Variants in SRGAP2B observed in about 807,000 individuals in gnomAD.
SRGAP2B encodes SLIT-ROBO Rho GTPase-activating protein 2B.
Under a neutral mutation model 22.2 loss-of-function variants are expected in SRGAP2B, and 9 were observed. The ratio of observed to expected loss-of-function variants is 0.41; its 90% confidence interval spans 0.24 to 0.71. SRGAP2B has a LOEUF of 0.71. SRGAP2B is among the 30% of genes least tolerant of loss of function. The probability of loss-of-function intolerance (pLI) is 0.35; values close to 1 mark genes in which losing one functional copy is unlikely to be tolerated. For synonymous variants in SRGAP2B, 36 were observed against 87.4 expected (o/e 0.41, Z 3.28); for missense variants, 114 against 235.8 (o/e 0.48, Z 3.38).
intron 7 of SRGAP2B, among the ~76,000 whole-genome samples, chr1:144,902,960 C>T (rs1176539916): frequency 5.4e-5 from 3 of 55,298 alleles, no homozygotes; most frequent in Middle Eastern, 6.4e-3. Context: ...CAAAATACCT[C>T]GCTTCTTGGA....
chr1:145,070,057 C>T (rs868940412), intron 2 of SRGAP2B, among the ~76,000 whole-genome samples: 223 of 147,744 alleles, frequency 1.5e-3, no homozygotes, highest in African/African-American at 5.3e-3. Flanking sequence ...TTTTAAAGCG[C>T]TGATGGAATT....
intron 2 of SRGAP2B, among the ~76,000 whole-genome samples, chr1:145,083,178 G>A (rs1653078961): frequency 6.9e-6 from 1 of 144,880 alleles, no homozygotes; most frequent in South Asian, 2.1e-4. Flanking sequence ...AGGGGAGCAG[G>A]GAAGGCTTCC....
intron 2 of SRGAP2B, among the ~76,000 whole-genome samples, chr1:145,006,573 T>C (rs1671610968): frequency 6.7e-6 from 1 of 150,134 alleles, no homozygotes; most frequent in South Asian, 2.1e-4. Flanking sequence ...ACAAAACTTA[T>C]TCCAATGAAA....
intron 3 of SRGAP2B, among the ~76,000 whole-genome samples, chr1:144,993,117 C>T (rs1553617730): frequency 6.6e-6 from 1 of 151,004 alleles, no homozygotes; most frequent in East Asian, 1.9e-4. Context: ...TAACAGGATG[C>T]CAGTGACTCA....
chr1:145,006,264 T>C (rs12076612), intron 2 of SRGAP2B, among the ~76,000 whole-genome samples: 1,728 of 150,908 alleles, frequency 0.011, 142 homozygotes, highest in African/African-American at 0.041. Flanking sequence ...ATGAAATATT[T>C]TCCCTCCTTG....
At chr1:144,934,364 C>T (rs1553606055) in intron 4 of SRGAP2B, among the ~76,000 whole-genome samples, 1 of 136,418 alleles carries the variant, frequency 7.3e-6, no homozygotes, top group Non-Finnish European at 1.5e-5. Context: ...AGATCGCGCA[C>T]TGCACTCCAG....
At chr1:144,984,008 T>C (rs1476620545) in intron 3 of SRGAP2B, among the ~76,000 whole-genome samples, 1 of 150,880 alleles carries the variant, frequency 6.6e-6, no homozygotes, top group Non-Finnish European at 1.5e-5. Flanking sequence ...CAATTCTTTC[T>C]CCTAACTTCT....
At chr1:144,912,014 G>A (rs1553349955) in intron 5 of SRGAP2B, among the ~76,000 whole-genome samples, 2 of 138,986 alleles carry the variant, frequency 1.4e-5, no homozygotes, top group Non-Finnish European at 3.0e-5. Flanking sequence ...GCAGTGGCAC[G>A]ATCTCGGCTC....
intron 2 of SRGAP2B, among the ~76,000 whole-genome samples, chr1:144,997,477 G>A (rs1448762912): frequency 6.7e-6 from 1 of 149,676 alleles, no homozygotes; most frequent in Non-Finnish European, 1.5e-5. Flanking sequence ...GGGTGGAAAG[G>A]CTTTCCAGGT....
At chr1:144,944,464 G>A (rs1666319683) in intron 4 of SRGAP2B, among the ~76,000 whole-genome samples, 2 of 148,624 alleles carry the variant, frequency 1.3e-5, no homozygotes, top group South Asian at 4.2e-4. Flanking sequence ...GTACACACCT[G>A]TAGTATCAGA....
At chr1:145,014,986 C>T (rs1209491370) in intron 2 of SRGAP2B, among the ~76,000 whole-genome samples, 8 of 90,868 alleles carry the variant, frequency 8.8e-5, no homozygotes, top group African/African-American at 3.8e-4. Flanking sequence ...AAATATTTTA[C>T]ATAAATTTGC....
intron 5 of SRGAP2B, among the ~76,000 whole-genome samples, chr1:144,908,908 T>TATC (rs1663188840): frequency 7.4e-6 from 1 of 135,574 alleles, no homozygotes; most frequent in Non-Finnish European, 1.6e-5. Context: ...TACATACTTC[T>TATC]ATCTATATAT....
intron 2 of SRGAP2B, among the ~76,000 whole-genome samples, chr1:145,011,773 T>C (rs1241688115): frequency 2.7e-5 from 4 of 149,392 alleles, no homozygotes; most frequent in Non-Finnish European, 4.4e-5. Context: ...TGGTAGCTCC[T>C]AACTGGTCTT....
At chr1:144,928,849 T>G (rs1553605396) in intron 4 of SRGAP2B, among the ~76,000 whole-genome samples, 1 of 147,292 alleles carries the variant, frequency 6.8e-6, no homozygotes. Flanking sequence ...GGGTCACAGG[T>G]TAATTCTATG....
At chr1:144,950,736 T>C (rs1169008423) in intron 4 of SRGAP2B, among the ~76,000 whole-genome samples, 1 of 149,898 alleles carries the variant, frequency 6.7e-6, no homozygotes, top group African/African-American at 2.5e-5. Context: ...TTCTCTTCTC[T>C]GTACAACATA....
chr1:144,954,494 C>CTATA (rs1667117601), intron 4 of SRGAP2B, among the ~76,000 whole-genome samples: 1 of 150,580 alleles, frequency 6.6e-6, no homozygotes, highest in Non-Finnish European at 1.5e-5. Flanking sequence ...CTTTTTCTAC[C>CTATA]TATAACTTTT....
intron 3 of SRGAP2B, among the ~76,000 whole-genome samples, chr1:144,969,799 A>G (rs1289604199): frequency 6.6e-6 from 1 of 150,598 alleles, no homozygotes; most frequent in Non-Finnish European, 1.5e-5. Flanking sequence ...AATTTACAAG[A>G]AAAAAAACAA....
At chr1:145,038,356 G>A (rs1466585499) in intron 2 of SRGAP2B, among the ~76,000 whole-genome samples, 2 of 128,068 alleles carry the variant, frequency 1.6e-5, no homozygotes, top group African/African-American at 3.7e-5. Context: ...ACTATTAAGA[G>A]TGACACCCAC....
intron 4 of SRGAP2B, among the ~76,000 whole-genome samples, chr1:144,951,896 A>G (rs1232124975): frequency 6.8e-6 from 1 of 147,926 alleles, no homozygotes; most frequent in Non-Finnish European, 1.5e-5. Flanking sequence ...GTATTTCTTT[A>G]TTGCTGACAT....
Sources: gnomAD v4.1 joint callset for allele counts (sites outside exome capture counted in the v4.1 genomes callset) on GRCh38, gnomAD v4.1.1 for gene constraint, MANE v1.5 for transcripts, NCBI Gene and HGNC (gene_info 2026-07-23, HGNC 2026-07-21) for gene names.